The following GNA14 variants were observed in gnomAD, a reference collection of about 807,000 sequenced individuals.
GNA14 encodes G protein subunit alpha 14, also known as guanine nucleotide-binding protein subunit alpha-14.
GNA14 carries 50 observed loss-of-function variants against 42.0 expected under a neutral mutation model. The observed-to-expected ratio is 1.19, with a 90% CI of 0.95 to 1.51. The LOEUF (loss-of-function observed/expected upper bound fraction) is 1.51, where lower values mean the gene tolerates loss of function less well. Ranked by LOEUF, GNA14 falls within the 40% of genes most tolerant of loss-of-function variation. The pLI is 0.00. For missense variants in GNA14, 473 were observed against 446.2 expected, an observed-to-expected ratio of 1.06 and a Z score of -0.54; for synonymous variants, 173 against 163.1, an observed-to-expected ratio of 1.06 and a Z score of -0.46.
chr9:77,550,277 T>C (rs962381865), intron 1 of GNA14, among the ~76,000 whole-genome samples: 1 of 152,188 alleles, frequency 6.6e-6, no homozygotes, highest in African/African-American at 2.4e-5. Context: ...CTCGGTATAT[T>C]TTGGTATAGA....
At chr9:77,600,735 T>C (rs1319093885) in intron 1 of GNA14, among the ~76,000 whole-genome samples, 2 of 151,906 alleles carry the variant, frequency 1.3e-5, no homozygotes, top group African/African-American at 2.4e-5. Context: ...CTGGCCAACA[T>C]GGCAAAACCC....
intron 2 of GNA14, among the ~76,000 whole-genome samples, chr9:77,505,849 A>G (rs1837060030): frequency 6.6e-6 from 1 of 152,212 alleles, no homozygotes; most frequent in South Asian, 2.1e-4. Flanking sequence ...CATGATAAAT[A>G]TATTTTCCTT....
At chr9:77,636,167 G>A (rs1824180895) in intron 1 of GNA14, among the ~76,000 whole-genome samples, 2 of 152,120 alleles carry the variant, frequency 1.3e-5, no homozygotes, top group African/African-American at 4.8e-5. Context: ...CAATTACACA[G>A]TAGCTGAGCA....
rs529197200 is a variant in GNA14, at chr9:77,586,045, T to C, written c.125-56792A>G. Among the ~76,000 whole-genome samples, 7 of 152,200 alleles carry C rather than the reference T, an allele frequency of 4.6e-5. No individual in the cohort carries two copies. The South Asian group carries it at 1.5e-3, about 32-fold the overall frequency. ...GTGGCTTGCCTTGTTCTGACCTGAG[T>C]GTTCGCCAAACACTCCCCAGGCTAC... is the stretch of plus-strand genomic sequence containing the variant. On this transcript the variant is annotated intron_variant, in intron 1 of 6. Transcript: ENST00000341700.
At chr9:77,428,203 T>C (rs934399812) in intron 5 of GNA14, among the ~76,000 whole-genome samples, 9 of 150,974 alleles carry the variant, frequency 6.0e-5, no homozygotes, top group Non-Finnish European at 8.8e-5. Context: ...CTCAGCCTCC[T>C]GAATAGCTGG....
chr9:77,629,511 A>G (rs1213397981), intron 1 of GNA14, among the ~76,000 whole-genome samples: 1 of 152,250 alleles, frequency 6.6e-6, no homozygotes, highest in Non-Finnish European at 1.5e-5. Context: ...CTGGATAAAG[A>G]AAATGTGGTA....
At chr9:77,561,844 T>C (rs938204526) in intron 1 of GNA14, among the ~76,000 whole-genome samples, 2 of 152,218 alleles carry the variant, frequency 1.3e-5, no homozygotes, top group African/African-American at 2.4e-5. Flanking sequence ...GCTGACTAAT[T>C]ACTACATCAA....
intron 1 of GNA14, among the ~76,000 whole-genome samples, chr9:77,562,722 T>A (rs1395063515): frequency 6.6e-6 from 1 of 152,228 alleles, no homozygotes; most frequent in African/African-American, 2.4e-5. Context: ...CTTCTTGATA[T>A]GATAACCTAA....
chr9:77,510,763 C>T (rs951374759), intron 2 of GNA14, among the ~76,000 whole-genome samples: 3 of 152,128 alleles, frequency 2.0e-5, no homozygotes, highest in Non-Finnish European at 2.9e-5. Flanking sequence ...GTATCAGGCC[C>T]CTAGGATATA....
In GNA14 at chr9:77,470,078, G is replaced by A. The variant is rs144019006; in HGVS notation, c.310-35556C>T. On this transcript the variant is annotated intron_variant, in intron 2 of 6. Coordinates refer to ENST00000341700, the MANE Select transcript of GNA14 (RefSeq NM_004297.4). ...CTTAAAGATGAAATACTTCTGTTTT[G>A]GACAGCAAGGAGTTATCAGGGCATC... 7.9e-5 allele frequency among the ~76,000 whole-genome samples: 12 copies of A among 152,236 alleles called. No homozygotes were observed. The East Asian group carries it at 2.3e-3, about 29-fold the overall frequency.
intron 2 of GNA14, among the ~76,000 whole-genome samples, chr9:77,482,115 T>C (rs896728993): frequency 1.3e-5 from 2 of 152,222 alleles, no homozygotes; most frequent in African/African-American, 4.8e-5. Flanking sequence ...GTTATTTTGC[T>C]CATTAGTTGA....
In GNA14 at chr9:77,543,531, C is replaced by T. The variant is rs184604747; in HGVS notation, c.125-14278G>A. On this transcript the variant is annotated intron_variant, in intron 1 of 6. Transcript: ENST00000341700. ...GACTAAGCATGAGCTCCCTTTGGAG[C>T]AATGTCACTGCACAATCTCTAGGTA... 1.1e-4 allele frequency among the ~76,000 whole-genome samples: 17 copies of T among 152,328 alleles called. No individual in the cohort carries two copies. In the East Asian group the frequency reaches 3.3e-3, roughly 29 times the overall value.
intron 2 of GNA14, among the ~76,000 whole-genome samples, chr9:77,442,981 G>A (rs1288856522): frequency 6.6e-6 from 1 of 152,168 alleles, no homozygotes; most frequent in Admixed American, 6.5e-5. Context: ...TATTTCAAAT[G>A]ACATAAAGAT....
intron 2 of GNA14, among the ~76,000 whole-genome samples, chr9:77,484,888 C>T (rs1337462148): frequency 6.6e-6 from 1 of 152,136 alleles, no homozygotes; most frequent in East Asian, 1.9e-4. Flanking sequence ...ACTGTACGTA[C>T]CTTACTTGAA....
At chr9:77,547,930 G>A (rs538305915) in intron 1 of GNA14, among the ~76,000 whole-genome samples, 4 of 152,226 alleles carry the variant, frequency 2.6e-5, no homozygotes, top group African/African-American at 7.2e-5. Flanking sequence ...TGATACCTGC[G>A]GAAATGGAGA....
intron 3 of GNA14, among the ~76,000 whole-genome samples, chr9:77,433,582 C>G (rs1055846856): frequency 6.6e-6 from 1 of 151,946 alleles, no homozygotes; most frequent in Non-Finnish European, 1.5e-5. Context: ...AGGCTAGTCT[C>G]GAATTCCTGG....
chr9:77,491,457 G>A lies in GNA14; in HGVS notation c.309+37612C>T, dbSNP rs532071391. Among the ~76,000 whole-genome samples, 5 of 152,214 alleles carry A rather than the reference G, an allele frequency of 3.3e-5. No individual in the cohort carries two copies. In the East Asian group the frequency reaches 9.6e-4, roughly 29 times the overall value. ...AGACACACAGAGATGGAAAGTAAAGGAATGGGTAAAGAAATTCTATGCAAA... is the reference window on the plus strand; with the variant it reads ...AGACACACAGAGATGGAAAGTAAAGAAATGGGTAAAGAAATTCTATGCAAA... On this transcript the variant is annotated intron_variant, in intron 2 of 6. Transcript: ENST00000341700.
At chr9:77,594,838 C>G (rs1259706569) in intron 1 of GNA14, among the ~76,000 whole-genome samples, 1 of 152,146 alleles carries the variant, frequency 6.6e-6, no homozygotes, top group Admixed American at 6.5e-5. Flanking sequence ...GGGAGAGCAG[C>G]CCACATTGAA....
intron 2 of GNA14, among the ~76,000 whole-genome samples, chr9:77,466,067 T>TGG (rs1836217883): frequency 6.6e-6 from 1 of 152,250 alleles, no homozygotes; most frequent in Non-Finnish European, 1.5e-5. Flanking sequence ...ACAGTTCGAC[T>TGG]ATAATGTGTC....
Sources: allele counts gnomAD v4.1 joint callset (sites outside exome capture counted in the v4.1 genomes callset), GRCh38; gene constraint gnomAD v4.1.1; transcripts MANE v1.5; gene names NCBI Gene and HGNC (gene_info 2026-07-23, HGNC 2026-07-21).